ZZEF1: variants seen among roughly 807,000 people sequenced by gnomAD.
ZZEF1 encodes zinc finger ZZ-type and EF-hand domain containing 1.
A neutral mutation model predicts 342.8 loss-of-function variants in ZZEF1; 157 were observed. The ratio of observed to expected loss-of-function variants is 0.46; its 90% CI spans 0.40 to 0.52. The LOEUF (loss-of-function observed/expected upper bound fraction) is 0.52. ZZEF1 is among the 20% of genes least tolerant of loss of function. The probability of loss-of-function intolerance (pLI) is 0.00; values close to 1 mark genes in which losing one functional copy is unlikely to be tolerated. For synonymous variants in ZZEF1, 1,505 were observed against 1,429.1 expected, an observed-to-expected ratio of 1.05 and a Z score of -1.20; for missense variants, 3,480 against 3,725.6, an observed-to-expected ratio of 0.93 and a Z score of 1.72.
intron 28 of ZZEF1, among the ~76,000 whole-genome samples, chr17:4,065,821 G>A (rs767923447): frequency 1.3e-5 from 2 of 152,028 alleles, no homozygotes; most frequent in African/African-American, 2.4e-5. Flanking sequence ...TGAATATTCA[G>A]TGTGAGCACA....
intron 4 of ZZEF1, 32 bp from the exon 5 acceptor site, chr17:4,112,840 GT>G: frequency 2.6e-6 from 4 of 1,510,210 alleles, no homozygotes; most frequent in Non-Finnish European, 3.6e-6. Context: ...AATTACAAAT[GT>G]TTATAGGAGT....
chr17:4,139,954 T>C (rs2058815409), intron 1 of ZZEF1, among the ~76,000 whole-genome samples: 1 of 152,262 alleles, frequency 6.6e-6, no homozygotes, highest in South Asian at 2.1e-4. Context: ...ATGTAAGCTA[T>C]GCCCGTAAGA....
intron 45 of ZZEF1, 164 bp from the exon 46 acceptor site, chr17:4,019,933 C>A: frequency 1.9e-6 from 1 of 531,988 alleles, no homozygotes. Flanking sequence ...ATTGTAAGCA[C>A]CAAAACATGG....
intron 1 of ZZEF1, among the ~76,000 whole-genome samples, chr17:4,141,353 C>T (rs1160738301): frequency 6.6e-6 from 1 of 152,214 alleles, no homozygotes; most frequent in Non-Finnish European, 1.5e-5. Flanking sequence ...GTGAACAGAA[C>T]CTTTTAAAGG....
At chr17:4,037,887 A>G (rs2056710054) in intron 39 of ZZEF1, among the ~76,000 whole-genome samples, 1 of 152,124 alleles carries the variant, frequency 6.6e-6, no homozygotes, top group African/African-American at 2.4e-5. Context: ...TGGCCTATAC[A>G]TTAATTCTGA....
chr17:4,116,690 T>A lies in ZZEF1; in HGVS notation c.694+282A>T, dbSNP rs114380792. 6.5e-3 allele frequency among the ~76,000 whole-genome samples: 984 copies of A among 152,278 alleles called. 14 individuals carry two copies. The highest frequency in any genetic ancestry group is 0.023 in the African/African-American group (948 of 41,538). On this transcript the variant is annotated intron_variant, in intron 3 of 54. Coordinates refer to ENST00000381638, the MANE Select transcript of ZZEF1 (RefSeq NM_015113.4). ...TAAGCGCGATTTCCACCATTAAACC[T>A]GCAAAGGTGACCCTGACCAGAAGGT... is the stretch of plus-strand genomic sequence containing the variant.
At position 4,009,265 on chromosome 17, in the gene ZZEF1, A is replaced by C. The variant is rs960937392; in HGVS notation, c.8734-311T>G. 175 of 558,870 alleles carry C rather than the reference A, an allele frequency of 3.1e-4. 3 individuals carry two copies. In the East Asian group the frequency reaches 5.3e-3, roughly 17 times the overall value. The allele number at this position is 558,870 out of a possible 1,614,324, so 34.6% of individuals were successfully genotyped here. On this transcript the variant is annotated intron_variant, in intron 53 of 54. Transcript: ENST00000381638. ...AAAGGCCCTTTCAGCTCCCACATTC[A>C]ATCAGTCTATTGTGCTGAGGGGAGG...
chr17:4,092,287 G>A (rs1354014903), intron 11 of ZZEF1, among the ~76,000 whole-genome samples: 2 of 134,816 alleles, frequency 1.5e-5, no homozygotes, highest in Non-Finnish European at 3.1e-5. Flanking sequence ...GTAACAGAGA[G>A]AAAACATGTC....
At chr17:4,128,009 A>C (rs537413092) in intron 1 of ZZEF1, among the ~76,000 whole-genome samples, 4 of 152,232 alleles carry the variant, frequency 2.6e-5, no homozygotes, top group African/African-American at 7.2e-5. Flanking sequence ...AGCCCAGGCC[A>C]CCGGGACATT....
At position 4,053,433 on chromosome 17, in the gene ZZEF1, A is replaced by T. The variant is rs979918951; in HGVS notation, c.5434+624T>A. Among the ~76,000 whole-genome samples the T allele has an allele frequency of 2.0e-5, 3 of 151,796 alleles. No homozygotes were observed. The South Asian group carries it at 6.2e-4, about 32-fold the overall frequency. On this transcript the variant is annotated intron_variant, in intron 34 of 54. Coordinates refer to ENST00000381638, the MANE Select transcript of ZZEF1 (RefSeq NM_015113.4). ...TCCTTCAAAAACCAATTCTCATTCC[A>T]CCTCCTTCACGAGCCTTCCCTGCAG...
chr17:4,023,654 TCCAAAA>T (rs1406659007), intron 43 of ZZEF1, among the ~76,000 whole-genome samples: 2 of 26,286 alleles, frequency 7.6e-5, no homozygotes, highest in East Asian at 9.5e-4. Context: ...ACCCTGTCTC[TCCAAAA>T]AAAAAAAAAA....
intron 54 of ZZEF1, 114 bp from the exon 55 acceptor site, chr17:4,007,084 G>C (rs1186149311): frequency 3.0e-5 from 27 of 904,576 alleles, no homozygotes; most frequent in Non-Finnish European, 4.0e-5. Context: ...AGGGGAACCA[G>C]ATGTGTTCCC....
chr17:4,090,858 A>T, intron 11 of ZZEF1, 28 bp from the exon 12 acceptor site: 1 of 1,581,018 alleles, frequency 6.3e-7, no homozygotes, highest in Non-Finnish European at 8.7e-7. Flanking sequence ...TTCACAAAAC[A>T]TTTTATTTTG....
chr17:4,054,799 G>A (rs1362828560), intron 33 of ZZEF1, among the ~76,000 whole-genome samples: 1 of 152,206 alleles, frequency 6.6e-6, no homozygotes, highest in Non-Finnish European at 1.5e-5. Context: ...AAAGGGGCAA[G>A]CCTGGACTCA....
chr17:4,057,189 A>C (rs888330939), intron 32 of ZZEF1, among the ~76,000 whole-genome samples: 3 of 152,188 alleles, frequency 2.0e-5, no homozygotes, highest in Admixed American at 6.5e-5. Context: ...ACAAAGCGAG[A>C]AACCGCGAGC....
At chr17:4,042,623 G>C (rs2056826725) in intron 38 of ZZEF1, 55 bp from the exon 39 acceptor site, 1 of 1,577,048 alleles carries the variant, frequency 6.3e-7, no homozygotes, top group African/African-American at 1.4e-5. Context: ...TGTATGAAGA[G>C]GCAAGTAAAC....
Position 4,059,770 on chromosome 17 carries a change from T to C in ZZEF1, c.4884-480A>G, listed in dbSNP as rs550222052. Among the ~76,000 whole-genome samples the C allele has an allele frequency of 1.5e-4, 23 of 152,342 alleles. 1 individual carries two copies. Among genetic ancestry groups the C allele is most frequent in the Admixed American group, 1.5e-3 (23 of 15,308 alleles). ...CTTTTTCCCTCAATTCTCTGCCATC[T>C]GCATCTCCAGTGATCTTCTCTTCCA... On this transcript the variant is annotated intron_variant, in intron 30 of 54. Transcript: ENST00000381638.
intron 9 of ZZEF1, among the ~76,000 whole-genome samples, chr17:4,096,936 C>A (rs1436321171): frequency 6.6e-6 from 1 of 152,130 alleles, no homozygotes; most frequent in African/African-American, 2.4e-5. Flanking sequence ...CTCCACCTCA[C>A]AGGCAGCCCT....
rs760774842 is a variant in ZZEF1, at chr17:4,088,832, C to G, written c.2087G>C (p.Gly696Ala). 169 of 1,614,052 alleles carry G rather than the reference C, an allele frequency of 1.0e-4. No homozygotes were observed. Among genetic ancestry groups the G allele is most frequent in the Non-Finnish European group, 1.3e-4 (156 of 1,180,058 alleles). The change falls in exon 13 of 55, where the codon GGC becomes GCC. Residue 696 changes from glycine (G) to alanine (A), a missense_variant. By Grantham distance (60) the Gly-to-Ala change is moderately conservative (BLOSUM62 0). This residue lies in a region of ZZEF1 where 1,528 missense variants were observed against 1,624.1 expected (regional missense o/e 0.94). Transcript: ENST00000381638. ...QESAERLGVQ[G>A]LTISGYLRPA... ...CCGGAGGTACCCACTGATGGTCAAG[C>G]CTTGCACTCCCAAGCGCTCTGCTGA...
Sources: allele counts gnomAD v4.1 joint callset (sites outside exome capture counted in the v4.1 genomes callset), GRCh38; gene constraint gnomAD v4.1.1; regional missense constraint gnomAD v4.1.1; transcripts MANE v1.5; gene names NCBI Gene and HGNC (gene_info 2026-07-23, HGNC 2026-07-21).